The following ZNF423 variants were observed in gnomAD, a reference collection of about 807,000 sequenced individuals.
The protein encoded by ZNF423 is Ebf-associated zinc finger protein.
In ZNF423, 12 loss-of-function variants were observed where a neutral mutation model predicts 95.8. The observed-to-expected ratio is 0.13, with a 90% CI of 0.08 to 0.20. ZNF423 has a LOEUF of 0.20. Ranked by LOEUF, ZNF423 falls within the 10% of genes least tolerant of loss-of-function variation. The pLI, the probability that ZNF423 is intolerant of heterozygous loss-of-function variation, is 1.00. For missense variants in ZNF423, 1,316 were observed against 1,737.1 expected (o/e 0.76, Z 4.31); for synonymous variants, 749 against 711.9 (o/e 1.05, Z -0.83).
intron 3 of ZNF423, among the ~76,000 whole-genome samples, chr16:49,712,195 A>C (rs747606090): frequency 2.6e-5 from 4 of 152,220 alleles, no homozygotes; most frequent in Non-Finnish European, 4.4e-5. Flanking sequence ...GTTTTAAAAT[A>C]ATGAGGGAAG....
intron 2 of ZNF423, among the ~76,000 whole-genome samples, chr16:49,764,158 C>T (rs2033883733): frequency 6.6e-6 from 1 of 152,150 alleles, no homozygotes. Flanking sequence ...AGCCCCCAAC[C>T]CCACAGAGGA....
At chr16:49,504,094 G>C (rs941070835) in intron 7 of ZNF423, among the ~76,000 whole-genome samples, 3 of 152,188 alleles carry the variant, frequency 2.0e-5, no homozygotes, top group African/African-American at 7.2e-5. Flanking sequence ...TGGGGGCTGG[G>C]AAAAGGGGAA....
At chr16:49,553,232 C>T (rs1457261235) in intron 5 of ZNF423, among the ~76,000 whole-genome samples, 3 of 152,106 alleles carry the variant, frequency 2.0e-5, no homozygotes, top group African/African-American at 7.2e-5. Flanking sequence ...AGAGGTACTA[C>T]CTGTGCAGTA....
At position 49,636,789 on chromosome 16, in the gene ZNF423, T is replaced by C. The variant is rs760368538; in HGVS notation, c.2387A>G (p.Glu796Gly). The change falls in exon 4 of 8, where the codon GAG (glutamate) becomes GGG (glycine). Residue 796 changes from glutamate to glycine, a missense_variant. By Grantham distance (98) the Glu-to-Gly change is moderately conservative. Transcript: ENST00000563137. This position sits in a 1 kb window ranked among gnomAD's most constrained non-coding sequence, Gnocchi z 8.6. ...AKAHKCIFCG[E>G]TFSTEVELQC... is the part of the protein sequence containing the mutation. ...CAGCTCCACCTCGGTGCTGAAGGTCTCCCCACAGAAGATGCACTTGTGAGC... is the reference window on the plus strand; with the variant it reads ...CAGCTCCACCTCGGTGCTGAAGGTCCCCCCACAGAAGATGCACTTGTGAGC... 5 of 1,613,970 alleles carry C rather than the reference T, an allele frequency of 3.1e-6. No homozygotes were observed. Among genetic ancestry groups the C allele is most frequent in the Non-Finnish European group, 4.2e-6 (5 of 1,180,022 alleles).
chr16:49,855,132 G>A lies in ZNF423; in HGVS notation c.40+603C>T. 1.2e-6 allele frequency: 1 copy of A among 823,836 alleles called. No homozygotes were observed. Among genetic ancestry groups the A allele is most frequent in the Non-Finnish European group, 1.5e-6 (1 of 683,532 alleles). 51.0% of individuals were successfully genotyped at this position (823,836 alleles called of 1,614,324 possible). ...GGGCCCGGGCCGGGAGAAGGCCTGG[G>A]CAGGGGCGGGAGGGGGCGCCAGGCG... is the stretch of plus-strand genomic sequence containing the variant. On this transcript the variant is annotated intron_variant, in intron 1 of 7. Coordinates refer to ENST00000563137, the MANE Select transcript of ZNF423 (RefSeq NM_001379286.1). This position sits in a 1 kb window ranked among gnomAD's most constrained non-coding sequence, Gnocchi z 4.7.
chr16:49,843,619 A>G (rs1449924823), intron 1 of ZNF423, among the ~76,000 whole-genome samples: 4 of 152,206 alleles, frequency 2.6e-5, no homozygotes, highest in African/African-American at 9.6e-5. Flanking sequence ...CATAGAAGGA[A>G]CTGTCTTGCC....
chr16:49,699,528 G>A (rs1353036409), intron 3 of ZNF423, among the ~76,000 whole-genome samples: 1 of 152,092 alleles, frequency 6.6e-6, no homozygotes, highest in Non-Finnish European at 1.5e-5. Flanking sequence ...GAACCACATG[G>A]ATTTTGATGC....
At chr16:49,697,402 C>T (rs1276896646) in intron 3 of ZNF423, among the ~76,000 whole-genome samples, 1 of 152,114 alleles carries the variant, frequency 6.6e-6, no homozygotes, top group African/African-American at 2.4e-5. Context: ...GGAGGGCTCA[C>T]TCCAAAATGC....
At chr16:49,735,535 C>T (rs897064989) in intron 2 of ZNF423, among the ~76,000 whole-genome samples, 5 of 152,220 alleles carry the variant, frequency 3.3e-5, no homozygotes, top group African/African-American at 1.2e-4. Flanking sequence ...GAATTCTCCT[C>T]CACAGTCCCC....
chr16:49,834,554 G>A (rs553082769), intron 1 of ZNF423, among the ~76,000 whole-genome samples: 5 of 152,168 alleles, frequency 3.3e-5, no homozygotes, highest in African/African-American at 1.2e-4. Context: ...TGGGAAGCAC[G>A]CTCGCCAAGG....
At chr16:49,520,133 AC>A (rs1335086709) in intron 7 of ZNF423, among the ~76,000 whole-genome samples, 1 of 151,890 alleles carries the variant, frequency 6.6e-6, no homozygotes, top group Non-Finnish European at 1.5e-5. Context: ...TAGAATGCAG[AC>A]CCCGTGGGTA....
At chr16:49,513,020 C>T (rs772772986) in intron 7 of ZNF423, among the ~76,000 whole-genome samples, 40 of 152,094 alleles carry the variant, frequency 2.6e-4, no homozygotes, top group Admixed American at 2.6e-4. Flanking sequence ...CACTTGAACC[C>T]GGGAGGCGGA....
chr16:49,610,473 C>A (rs769583790), intron 5 of ZNF423, among the ~76,000 whole-genome samples: 1 of 151,990 alleles, frequency 6.6e-6, no homozygotes, highest in African/African-American at 2.4e-5. Context: ...CACCAGTAGT[C>A]TTTGATAAGT....
At chr16:49,698,617 A>G (rs1295904848) in intron 3 of ZNF423, among the ~76,000 whole-genome samples, 1 of 151,958 alleles carries the variant, frequency 6.6e-6, no homozygotes, top group Non-Finnish European at 1.5e-5. Context: ...CCCTCACTTT[A>G]TCTGCTCGCA....
At chr16:49,779,077 G>T (rs2034167798) in intron 2 of ZNF423, among the ~76,000 whole-genome samples, 1 of 152,068 alleles carries the variant, frequency 6.6e-6, no homozygotes, top group Non-Finnish European at 1.5e-5. Flanking sequence ...GCACTTCCCA[G>T]GACAAATACA....
intron 1 of ZNF423, among the ~76,000 whole-genome samples, chr16:49,819,969 G>A (rs2034915037): frequency 6.6e-6 from 1 of 152,076 alleles, no homozygotes. Context: ...AGATAAGCTC[G>A]CTAAGCCCTG....
At chr16:49,788,691 G>C (rs958948599) in intron 2 of ZNF423, among the ~76,000 whole-genome samples, 1 of 152,206 alleles carries the variant, frequency 6.6e-6, no homozygotes, top group Admixed American at 6.5e-5. Context: ...CAGGATCCCA[G>C]GGCAGGCCTG....
chr16:49,792,002 C>CAAA (rs1227429391), intron 1 of ZNF423, among the ~76,000 whole-genome samples: 1 of 71,252 alleles, frequency 1.4e-5, no homozygotes, highest in African/African-American at 4.8e-5. Context: ...GACTCCATCT[C>CAAA]AAAAAAAAAA....
intron 3 of ZNF423, among the ~76,000 whole-genome samples, chr16:49,666,963 ATCACCG>A (rs2030577575): frequency 6.6e-6 from 1 of 152,178 alleles, no homozygotes; most frequent in Non-Finnish European, 1.5e-5. Flanking sequence ...GGCCAGCCCC[ATCACCG>A]ACTCCATCAC....
Sources: allele counts gnomAD v4.1 joint callset (sites outside exome capture counted in the v4.1 genomes callset), GRCh38; gene constraint gnomAD v4.1.1; non-coding constraint Gnocchi (gnomAD v3.1); transcripts MANE v1.5; gene names NCBI Gene and HGNC (gene_info 2026-07-23, HGNC 2026-07-21).